RABGAP1L: variants seen among roughly 807,000 people sequenced by gnomAD.
The protein encoded by RABGAP1L is RAB GTPase activating protein 1 like, also known as rab GTPase-activating protein 1-like.
Under a neutral mutation model 137.7 loss-of-function variants are expected in RABGAP1L, and 63 were observed. The observed-to-expected ratio is 0.46, with a 90% CI of 0.37 to 0.56. The LOEUF (loss-of-function observed/expected upper bound fraction) is 0.56. Among genes scored for constraint, RABGAP1L ranks in the 20% least tolerant of loss-of-function variants. The pLI is 0.00. For synonymous variants in RABGAP1L, 431 were observed against 433.7 expected (o/e 0.99, Z 0.08); for missense variants, 1,095 against 1,244.0 (o/e 0.88, Z 1.80).
chr1:174,239,660 G>A (rs1053179277), intron 4 of RABGAP1L, among the ~76,000 whole-genome samples: 3 of 151,874 alleles, frequency 2.0e-5, no homozygotes, highest in Non-Finnish European at 2.9e-5. Context: ...TTATAAGCTT[G>A]TGAGAATAGT....
In RABGAP1L at chr1:174,618,291, G is replaced by A. The variant is rs558807919; in HGVS notation, c.1711-19084G>A. Among the ~76,000 whole-genome samples the A allele has an allele frequency of 3.3e-5, 5 of 152,308 alleles. No individual in the cohort carries two copies. In the South Asian group the frequency reaches 8.3e-4, roughly 25 times the overall value. ...TCCCTGTCTGACCGCTTTGAAGAGA[G>A]TAATGGTTCTCCCAGCACGCAGCTG... On this transcript the variant is annotated intron_variant, in intron 13 of 25. Transcript: ENST00000681986.
intron 19 of RABGAP1L, among the ~76,000 whole-genome samples, chr1:174,900,557 G>C (rs886924108): frequency 6.6e-6 from 1 of 152,200 alleles, no homozygotes; most frequent in Non-Finnish European, 1.5e-5. Flanking sequence ...TTACTGAAGT[G>C]CTTTCACTTG....
At chr1:174,643,489 C>T (rs1054231264) in intron 14 of RABGAP1L, among the ~76,000 whole-genome samples, 2 of 152,124 alleles carry the variant, frequency 1.3e-5, no homozygotes, top group Non-Finnish European at 2.9e-5. Context: ...TTAGAGACAG[C>T]AGCATATTCT....
intron 13 of RABGAP1L, among the ~76,000 whole-genome samples, chr1:174,596,442 T>G (rs1355596925): frequency 6.6e-6 from 1 of 152,220 alleles, no homozygotes; most frequent in Non-Finnish European, 1.5e-5. Context: ...ACTTCTTTGG[T>G]TAAGTTATTC....
chr1:174,670,681 T>G (rs1259990262), intron 14 of RABGAP1L, among the ~76,000 whole-genome samples: 3 of 152,206 alleles, frequency 2.0e-5, no homozygotes, highest in Non-Finnish European at 4.4e-5. Flanking sequence ...CTTATTTCAC[T>G]TAACATAATG....
At position 174,832,208 on chromosome 1, in the gene RABGAP1L, G is replaced by A. The variant is rs747065151; in HGVS notation, c.2340+20248G>A. On this transcript the variant is annotated intron_variant, in intron 19 of 25. Transcript: ENST00000681986. Reference sequence around the variant, plus strand: ...CTCAGGAGGCTGAGGCAGGAGAATCGCTTGAACCCGGGAGGTGGAGGTTGC... The same window carrying A: ...CTCAGGAGGCTGAGGCAGGAGAATCACTTGAACCCGGGAGGTGGAGGTTGC... Among the ~76,000 whole-genome samples the A allele has an allele frequency of 2.7e-5, 4 of 146,658 alleles. 1 individual carries two copies. The highest frequency in any genetic ancestry group is 2.3e-4 in the South Asian group (1 of 4,402).
chr1:174,367,811 GT>G, intron 11 of RABGAP1L: 1 of 185,138 alleles, frequency 5.4e-6, no homozygotes, highest in Non-Finnish European at 1.2e-5. Flanking sequence ...GCTTAGACTG[GT>G]TTTACCAAAA....
intron 13 of RABGAP1L, chr1:174,548,680 C>A (rs1666212676): frequency 1.6e-6 from 1 of 608,230 alleles, no homozygotes; most frequent in Non-Finnish European, 2.1e-6. Flanking sequence ...CTTAATTATT[C>A]ATTTTGGTTG....
chr1:174,508,518 A>G (rs1662040054), intron 13 of RABGAP1L, among the ~76,000 whole-genome samples: 1 of 152,166 alleles, frequency 6.6e-6, no homozygotes, highest in South Asian at 2.1e-4. Context: ...AAATGGTACC[A>G]CAGCCAGAGA....
chr1:174,408,301 G>A (rs1029893004), intron 13 of RABGAP1L, among the ~76,000 whole-genome samples: 8 of 152,110 alleles, frequency 5.3e-5, no homozygotes, highest in Admixed American at 2.0e-4. Flanking sequence ...CCACTCATAA[G>A]TGAGAACATG....
intron 15 of RABGAP1L, among the ~76,000 whole-genome samples, chr1:174,694,752 C>G (rs1391818462): frequency 3.3e-5 from 5 of 151,654 alleles, no homozygotes; most frequent in African/African-American, 9.7e-5. Context: ...ATTTCTAGTT[C>G]TAGATCCCTG....
rs552635235 is a variant in RABGAP1L at position 174,234,575 on chromosome 1, G to T, written c.542+3220G>T. 2.3e-4 allele frequency among the ~76,000 whole-genome samples: 35 copies of T among 150,402 alleles called. 1 individual carries two copies. In the South Asian group the frequency reaches 7.3e-3, roughly 31 times the overall value. ...CAGGTTTGTCAAAGATCAGATAGTT[G>T]TAGGTATGCGGCATTATTTCTGAGG... On this transcript the variant is annotated intron_variant, in intron 4 of 25. Transcript: ENST00000681986.
At chr1:174,602,914 C>G (rs1338896458) in intron 13 of RABGAP1L, among the ~76,000 whole-genome samples, 1 of 152,102 alleles carries the variant, frequency 6.6e-6, no homozygotes, top group Non-Finnish European at 1.5e-5. Flanking sequence ...GTCTGAAAAG[C>G]CACTATCTCT....
intron 14 of RABGAP1L, among the ~76,000 whole-genome samples, chr1:174,663,962 A>C (rs907764355): frequency 6.6e-6 from 1 of 152,168 alleles, no homozygotes; most frequent in African/African-American, 2.4e-5. Context: ...AGGGACTCAG[A>C]GGCTGTGATG....
chr1:174,755,417 T>C (rs1027340041), intron 18 of RABGAP1L, among the ~76,000 whole-genome samples: 5 of 152,240 alleles, frequency 3.3e-5, no homozygotes, highest in South Asian at 4.1e-4. Flanking sequence ...TCAGTCAGAA[T>C]TGTTCTTAGC....
rs1007759931 is a variant in RABGAP1L at position 174,978,825 on chromosome 1, A to G, written c.2668A>G (p.Lys890Glu). The change falls in exon 23 of 26, where the codon AAA becomes GAA. Residue 890 changes from lysine to glutamate, a missense_variant. Coordinates refer to ENST00000681986, the MANE Select transcript of RABGAP1L (RefSeq NM_001366446.1). ...ETAQLKEVFR[K>E]QLEKAEYEIK... ...TTTCTAGCTAAAAGAAGTCTTCAGG[A>G]AACAGCTAGAGAAGGCAGAATATGA... The G allele has an allele frequency of 5.2e-6, 8 of 1,541,042 alleles. No individual in the cohort carries two copies. The highest frequency in any genetic ancestry group is 6.1e-6 in the Non-Finnish European group (7 of 1,144,230).
At chr1:174,635,002 G>A (rs1673834653) in intron 13 of RABGAP1L, among the ~76,000 whole-genome samples, 1 of 148,872 alleles carries the variant, frequency 6.7e-6, no homozygotes, top group Admixed American at 6.7e-5. Flanking sequence ...CCTGCACAAT[G>A]TGCACATGTA....
intron 7 of RABGAP1L, among the ~76,000 whole-genome samples, chr1:174,270,657 A>G (rs1245031873): frequency 1.3e-5 from 2 of 152,138 alleles, no homozygotes; most frequent in Non-Finnish European, 2.9e-5. Context: ...TTAAATTTTC[A>G]AAAAGAACAA....
intron 5 of RABGAP1L, among the ~76,000 whole-genome samples, chr1:174,247,596 G>T (rs1164782195): frequency 1.3e-5 from 2 of 152,194 alleles, no homozygotes; most frequent in Non-Finnish European, 1.5e-5. Flanking sequence ...AATTCCCAGG[G>T]CCTTCTTGCC....
Sources: allele counts gnomAD v4.1 joint callset (sites outside exome capture counted in the v4.1 genomes callset), GRCh38; gene constraint gnomAD v4.1.1; transcripts MANE v1.5; gene names NCBI Gene and HGNC (gene_info 2026-07-23, HGNC 2026-07-21).